Variants in ASTN2 observed in about 807,000 individuals in gnomAD.
ASTN2 encodes the protein astrotactin-2.
ASTN2 carries 54 observed loss-of-function variants against 139.8 expected under a neutral mutation model. The observed-to-expected ratio is 0.39, with a 90% CI of 0.31 to 0.48. The LOEUF (loss-of-function observed/expected upper bound fraction) is 0.48. ASTN2 is among the 20% of genes least tolerant of loss of function. The pLI, the probability that ASTN2 is intolerant of heterozygous loss-of-function variation, is 0.95. For synonymous variants in ASTN2, 756 were observed against 719.5 expected, an observed-to-expected ratio of 1.05 and a Z score of -0.81; for missense variants, 1,565 against 1,725.1, an observed-to-expected ratio of 0.91 and a Z score of 1.64.
At chr9:116,635,435 T>C (rs1454498054) in intron 17 of ASTN2, among the ~76,000 whole-genome samples, 1 of 152,240 alleles carries the variant, frequency 6.6e-6, no homozygotes, top group East Asian at 1.9e-4. Flanking sequence ...TCACCTTGAA[T>C]GTAATTAATG....
In ASTN2 at chr9:116,545,063, C is replaced by T. The variant is rs187956249; in HGVS notation, c.3356-57563G>A. ...CTTGGGACAGTTCCTTCCAGCTTCC[C>T]AGCCAGCTTCCCAGAGATGTTCTTG... is the stretch of plus-strand genomic sequence containing the variant. On this transcript the variant is annotated intron_variant, in intron 19 of 22. Coordinates refer to ENST00000313400, the MANE Select transcript of ASTN2 (RefSeq NM_001365068.1). Among the ~76,000 whole-genome samples the T allele has an allele frequency of 9.1e-4, 138 of 152,302 alleles. 2 individuals carry two copies. The highest frequency in any genetic ancestry group is 3.3e-3 in the African/African-American group (136 of 41,560).
chr9:117,047,219 A>C (rs10983475), intron 5 of ASTN2, among the ~76,000 whole-genome samples: 10,713 of 152,276 alleles, frequency 0.07, 453 homozygotes, highest in South Asian at 0.15. Flanking sequence ...GCTTTCTCAG[A>C]AACTGTAGGG....
At chr9:116,469,854 G>A (rs1256313161) in intron 20 of ASTN2, among the ~76,000 whole-genome samples, 1 of 152,136 alleles carries the variant, frequency 6.6e-6, no homozygotes, top group East Asian at 1.9e-4. Flanking sequence ...AATAAAGAAA[G>A]GAGGTGAGGT....
chr9:117,261,258 A>G (rs1240319769), intron 2 of ASTN2, among the ~76,000 whole-genome samples: 1 of 152,180 alleles, frequency 6.6e-6, no homozygotes, highest in Non-Finnish European at 1.5e-5. Flanking sequence ...TTTGTTTACA[A>G]ATAGAGACTA....
chr9:117,292,898 T>C (rs1834630160), intron 1 of ASTN2, among the ~76,000 whole-genome samples: 1 of 152,172 alleles, frequency 6.6e-6, no homozygotes, highest in South Asian at 2.1e-4. Context: ...CACTGAACTA[T>C]TCTTATATCA....
intron 2 of ASTN2, among the ~76,000 whole-genome samples, chr9:117,285,794 T>C (rs1391184885): frequency 6.6e-6 from 1 of 152,212 alleles, no homozygotes; most frequent in Non-Finnish European, 1.5e-5. Context: ...TTTGACCTCT[T>C]GGAATCCTGA....
intron 12 of ASTN2, among the ~76,000 whole-genome samples, chr9:116,807,340 C>T (rs961352040): frequency 6.6e-6 from 1 of 152,182 alleles, no homozygotes; most frequent in African/African-American, 2.4e-5. Context: ...ACAAGCATAG[C>T]TGGAAACCTG....
At chr9:116,756,380 T>G (rs1327266440) in intron 13 of ASTN2, among the ~76,000 whole-genome samples, 1 of 152,198 alleles carries the variant, frequency 6.6e-6, no homozygotes, top group African/African-American at 2.4e-5. Context: ...ATTATCAACC[T>G]TCTAAGGTTG....
chr9:117,235,900 A>G (rs903741147), intron 2 of ASTN2, among the ~76,000 whole-genome samples: 6 of 152,166 alleles, frequency 3.9e-5, no homozygotes, highest in African/African-American at 1.4e-4. Context: ...GAGAAAACAT[A>G]TTTTCATACC....
chr9:116,436,035 A>G (rs1027372157), intron 22 of ASTN2, among the ~76,000 whole-genome samples: 2 of 152,206 alleles, frequency 1.3e-5, no homozygotes, highest in Admixed American at 6.5e-5. Context: ...CTGGCTGACC[A>G]GTCTTTTCCG....
chr9:116,693,566 T>A (rs771507617), intron 16 of ASTN2, among the ~76,000 whole-genome samples: 2 of 152,122 alleles, frequency 1.3e-5, no homozygotes, highest in Non-Finnish European at 2.9e-5. Flanking sequence ...TATTAATCAT[T>A]AGGTCAAGGG....
At chr9:116,483,143 T>A (rs974963685) in intron 20 of ASTN2, among the ~76,000 whole-genome samples, 1 of 152,186 alleles carries the variant, frequency 6.6e-6, no homozygotes, top group Non-Finnish European at 1.5e-5. Context: ...GGGTCACCCC[T>A]CGATTCCAAC....
chr9:117,047,302 A>G lies in ASTN2; in HGVS notation c.1277-7337T>C, dbSNP rs372847926. Among the ~76,000 whole-genome samples the G allele has an allele frequency of 6.6e-5, 10 of 152,150 alleles. No individual in the cohort carries two copies. The East Asian group carries it at 1.9e-3, about 29-fold the overall frequency. ...TGCACTGCTTTAGTGTGATGTCTCA[A>G]TATGGGACATATTTTCCTTTATCTT... On this transcript the variant is annotated intron_variant, in intron 5 of 22. Transcript: ENST00000313400.
chr9:117,266,210 A>G (rs1242083613), intron 2 of ASTN2, among the ~76,000 whole-genome samples: 1 of 152,200 alleles, frequency 6.6e-6, no homozygotes, highest in African/African-American at 2.4e-5. Flanking sequence ...AGCTAAGGGC[A>G]CAGCCAAGGG....
chr9:117,182,132 G>A (rs1030995978), intron 3 of ASTN2, among the ~76,000 whole-genome samples: 27 of 152,190 alleles, frequency 1.8e-4, no homozygotes, highest in African/African-American at 6.3e-4. Context: ...CCAGTCATAT[G>A]GGCTCTCTCT....
rs3040211 is a variant in ASTN2, at chr9:116,852,878, T to TACACACACACACAC, written c.2040+10691_2040+10704dup. Among the ~76,000 whole-genome samples, 411 of 134,332 alleles carry TACACACACACACAC rather than the reference T, an allele frequency of 3.1e-3. 2 individuals carry two copies. The highest frequency in any genetic ancestry group is 5.6e-3 in the African/African-American group (193 of 34,182). 88.1% of individuals were successfully genotyped at this position (134,332 alleles called of 152,430 possible). On this transcript the variant is annotated intron_variant, in intron 11 of 22. Transcript: ENST00000313400. Reference sequence around the variant, plus strand: ...CTTTATTTATTACCCAAGGGGAAAATACACACACACACACACACACACACA... The same window carrying TACACACACACACAC: ...CTTTATTTATTACCCAAGGGGAAAATACACACACACACACACACACACACACACACACACACACA...
At chr9:116,516,232 T>G (rs961887695) in intron 19 of ASTN2, among the ~76,000 whole-genome samples, 1 of 152,166 alleles carries the variant, frequency 6.6e-6, no homozygotes, top group Admixed American at 6.5e-5. Flanking sequence ...TCCAAATATC[T>G]ACTGTTTCAG....
intron 19 of ASTN2, among the ~76,000 whole-genome samples, chr9:116,609,444 G>GA (rs1192520314): frequency 6.9e-6 from 1 of 144,170 alleles, no homozygotes; most frequent in African/African-American, 2.6e-5. Flanking sequence ...TTTATAATTT[G>GA]AAGCAATGCA....
chr9:117,153,896 G>T (rs1233332403), intron 3 of ASTN2, among the ~76,000 whole-genome samples: 4 of 152,030 alleles, frequency 2.6e-5, no homozygotes, highest in African/African-American at 9.7e-5. Flanking sequence ...GTATGACCAG[G>T]CACTCAATGA....
Sources: gnomAD v4.1 joint callset for allele counts (sites outside exome capture counted in the v4.1 genomes callset) on GRCh38, gnomAD v4.1.1 for gene constraint, MANE v1.5 for transcripts, NCBI Gene and HGNC (gene_info 2026-07-23, HGNC 2026-07-21) for gene names.